The following HUWE1 variants were observed in gnomAD, a reference collection of about 807,000 sequenced individuals.
The protein encoded by HUWE1 is HECT, UBA and WWE domain containing E3 ubiquitin protein ligase 1.
Under a neutral mutation model 299.4 loss-of-function variants are expected in HUWE1, and 18 were observed. The ratio of observed to expected loss-of-function variants is 0.06; its 90% CI spans 0.04 to 0.09. The LOEUF (loss-of-function observed/expected upper bound fraction) is 0.09, where lower values mean the gene tolerates loss of function less well. HUWE1 is among the 10% of genes least tolerant of loss of function. HUWE1 has a pLI of 1.00. For synonymous variants in HUWE1, 1,317 were observed against 1,286.1 expected (o/e 1.02, Z -0.51); for missense variants, 1,832 against 3,462.3 (o/e 0.53, Z 11.82).
Position 53,549,360 on chromosome X carries a change from G to C in HUWE1, c.9634C>G (p.Leu3212Val). 8.3e-7 allele frequency: 1 copy of C among 1,211,827 alleles called. No individual in the cohort carries two copies. The highest frequency in any genetic ancestry group is 1.8e-5 in the South Asian group (1 of 57,001). The change falls in exon 67 of 84, where the codon CTC (leucine) becomes GTC (valine). Residue 3212 changes from leucine (L) to valine (V), a missense_variant. Leu to Val is a conservative substitution (Grantham distance 32). Coordinates refer to ENST00000262854, the MANE Select transcript of HUWE1 (RefSeq NM_031407.7). Reference protein sequence around the residue: ...TSRLHRVLRNLCYHAQTRHWV... With the variant: ...TSRLHRVLRNVCYHAQTRHWV... ...TGGCGGGTCTGGGCATGGTAGCAGAGATTTCTCAGTACTCGGTGTAGACGG... is the reference window on the plus strand; with the variant it reads ...TGGCGGGTCTGGGCATGGTAGCAGACATTTCTCAGTACTCGGTGTAGACGG...
intron 33 of HUWE1, 47 bp downstream of exon 33, chrX:53,592,351 C>G: frequency 1.1e-6 from 1 of 941,570 alleles, no homozygotes; most frequent in Admixed American, 2.2e-5. Flanking sequence ...CATCACACTC[C>G]ATTGGGTGCA....
chrX:53,615,465 C>T (rs1213907933), intron 22 of HUWE1, among the ~76,000 whole-genome samples: 4 of 110,666 alleles, frequency 3.6e-5, no homozygotes, highest in Non-Finnish European at 5.7e-5. Flanking sequence ...TGGCCTCAAG[C>T]GATCCACCAG....
At chrX:53,609,971 C>A (rs1557000643) in intron 23 of HUWE1, among the ~76,000 whole-genome samples, 1 of 111,684 alleles carries the variant, frequency 9.0e-6, no homozygotes, top group Admixed American at 9.5e-5. Flanking sequence ...ATACCCAGAA[C>A]CAGGTTTGGG....
intron 51 of HUWE1, 97 bp downstream of exon 51, chrX:53,564,477 T>C: frequency 1.0e-6 from 1 of 997,094 alleles, no homozygotes; most frequent in African/African-American, 1.9e-5. Context: ...CAGCCAGCAT[T>C]GAGGCAAGGA....
chrX:53,609,518 T>G (rs1402788865), intron 23 of HUWE1, among the ~76,000 whole-genome samples: 1 of 112,388 alleles, frequency 8.9e-6, no homozygotes, highest in Non-Finnish European at 1.9e-5. Context: ...AGCATGACAG[T>G]TCCTGAACTA....
chrX:53,681,430 T>TA (rs782160350), intron 2 of HUWE1, among the ~76,000 whole-genome samples: 860 of 84,947 alleles, frequency 0.01, 14 homozygotes, highest in African/African-American at 0.032. Context: ...GACTCCATCT[T>TA]AAAAAAAAAA....
chrX:53,576,058 G>C (rs1204374971), intron 44 of HUWE1, among the ~76,000 whole-genome samples: 1 of 112,031 alleles, frequency 8.9e-6, no homozygotes, highest in Non-Finnish European at 1.9e-5. Flanking sequence ...TGCAGTGGTG[G>C]GTCAATAAAT....
In HUWE1 at chrX:53,634,250, C is replaced by T; in HGVS notation, c.553G>A (p.Asp185Asn). 1 of 1,206,242 alleles carries T rather than the reference C, an allele frequency of 8.3e-7. No individual in the cohort carries two copies. Among genetic ancestry groups the T allele is most frequent in the Non-Finnish European group, 1.1e-6 (1 of 890,393 alleles). ...GAGTTACTTACCATCATATGCAAGT[C>T]TCTGCAACATTCTGCAAGTCCAAAG... ...NGFGLAECCR[D>N]LHMMKYPPSA... Residue 185 changes from aspartate to asparagine, a missense_variant, in exon 8 of 84, where the codon GAC becomes AAC. Physicochemically the swap from Asp to Asn is conservative, Grantham distance 23 (BLOSUM62 1). Coordinates refer to ENST00000262854, the MANE Select transcript of HUWE1 (RefSeq NM_031407.7).
In HUWE1 at chrX:53,542,537, C is replaced by T. The variant is rs1556919418; in HGVS notation, c.11382G>A (p.Ser3794=). 7 of 1,171,563 alleles carry T rather than the reference C, an allele frequency of 6.0e-6. No homozygotes were observed. The highest frequency in any genetic ancestry group is 1.8e-5 in the South Asian group (1 of 55,892). The change falls in exon 74 of 84, where the codon TCG becomes TCA. Residue 3794 remains serine, a splice_region_variant and synonymous_variant. Coordinates refer to ENST00000262854, the MANE Select transcript of HUWE1 (RefSeq NM_031407.7). ...CAGACGCCTCTGACTGGCTAGACTC[C>T]GACTGGATAAAAGGGAGACAAAAAT... ...RARRQQQAAT[S]ESSQSEASVR...
At chrX:53,661,074 G>A (rs1046057926) in intron 3 of HUWE1, among the ~76,000 whole-genome samples, 1 of 97,642 alleles carries the variant, frequency 1.0e-5, no homozygotes, top group Non-Finnish European at 2.0e-5. Flanking sequence ...TTGCTCTGTC[G>A]CCCAGGCTGG....
chrX:53,647,463 T>C lies in HUWE1; in HGVS notation c.256A>G (p.Arg86Gly). Reference sequence around the variant, plus strand: ...AAGAGAAGCATTTTCAGTTGCTCTCTTTCTGGCCTATCACATACGAGCATC... The same window carrying C: ...AAGAGAAGCATTTTCAGTTGCTCTCCTTCTGGCCTATCACATACGAGCATC... ...SWMLVCDRPE[R>G]EQLKMLLLAV... Residue 86 changes from arginine (R) to glycine (G), a missense_variant, in exon 6 of 84, where the codon AGA (arginine) becomes GGA (glycine). Coordinates refer to ENST00000262854, the MANE Select transcript of HUWE1 (RefSeq NM_031407.7). 8.3e-7 allele frequency: 1 copy of C among 1,207,213 alleles called. No individual in the cohort carries two copies. The highest frequency in any genetic ancestry group is 1.1e-6 in the Non-Finnish European group (1 of 891,358).
chrX:53,611,964 G>A (rs782045711), intron 23 of HUWE1, among the ~76,000 whole-genome samples: 47 of 111,586 alleles, frequency 4.2e-4, no homozygotes, highest in Admixed American at 6.6e-4. Context: ...ACAGAAATTC[G>A]GAAGAACTAT....
In HUWE1 at chrX:53,645,330, C is replaced by T. The variant is rs1320549740; in HGVS notation, c.485G>A (p.Arg162Gln). Residue 162 changes from arginine to glutamine, a missense_variant, in exon 7 of 84, where the codon CGG becomes CAG. By Grantham distance (43) the Arg-to-Gln change is conservative. Coordinates refer to ENST00000262854, the MANE Select transcript of HUWE1 (RefSeq NM_031407.7). ...GSDKRTPLLT[R>Q]LQHLAESWGG... ...ACTCACCTCTGCCAAATGTTGTAGC[C>T]GAGTTAGCAGCGGGGTCCTCTTGTC... 8 of 1,208,664 alleles carry T rather than the reference C, an allele frequency of 6.6e-6. No homozygotes were observed. The highest frequency in any genetic ancestry group is 3.5e-5 in the South Asian group (2 of 56,727).
intron 49 of HUWE1, among the ~76,000 whole-genome samples, chrX:53,566,407 C>CA (rs1484917099): frequency 9.3e-6 from 1 of 107,088 alleles, no homozygotes; most frequent in African/African-American, 3.4e-5. Flanking sequence ...GCCTGAGCAA[C>CA]ATAGTGAGAT....
At chrX:53,652,432 A>G (rs1273436163) in intron 4 of HUWE1, among the ~76,000 whole-genome samples, 1 of 112,114 alleles carries the variant, frequency 8.9e-6, no homozygotes, top group East Asian at 2.8e-4. Flanking sequence ...CCAATTTATA[A>G]TCCCTCTATT....
At chrX:53,602,412 T>C (rs1245590556) in intron 28 of HUWE1, 152 bp downstream of exon 28, 5 of 400,381 alleles carry the variant, frequency 1.2e-5, no homozygotes, top group Admixed American at 7.8e-5. Flanking sequence ...TATGTATATA[T>C]GTTTTTATGG....
At chrX:53,633,340 A>G (rs942120619) in intron 8 of HUWE1, among the ~76,000 whole-genome samples, 5 of 112,700 alleles carry the variant, frequency 4.4e-5, no homozygotes, top group African/African-American at 6.5e-5. Flanking sequence ...TTCCTTTTAA[A>G]GTACACGTTA....
At chrX:53,601,272 C>G (rs2064821812) in intron 28 of HUWE1, among the ~76,000 whole-genome samples, 1 of 109,478 alleles carries the variant, frequency 9.1e-6, no homozygotes, top group Non-Finnish European at 1.9e-5. Flanking sequence ...GCCTCAACTT[C>G]CTGGGCTCAA....
At chrX:53,668,662 A>C (rs1557048426) in intron 3 of HUWE1, among the ~76,000 whole-genome samples, 3 of 111,427 alleles carry the variant, frequency 2.7e-5, no homozygotes, top group African/African-American at 9.8e-5. Context: ...TGCCCAGCAA[A>C]GAGTAAGCCG....
Sources: gnomAD v4.1 joint callset for allele counts (sites outside exome capture counted in the v4.1 genomes callset) on GRCh38, gnomAD v4.1.1 for gene constraint, MANE v1.5 for transcripts, NCBI Gene and HGNC (gene_info 2026-07-23, HGNC 2026-07-21) for gene names.